The following CDH12 variants were observed in gnomAD, a reference collection of about 807,000 sequenced individuals.
The protein encoded by CDH12 is cadherin-12.
In CDH12, 41 loss-of-function variants were observed where a neutral mutation model predicts 74.1. The ratio of observed to expected loss-of-function variants is 0.55; its 90% CI spans 0.43 to 0.72. The LOEUF is 0.72. Among genes scored for constraint, CDH12 ranks in the 30% least tolerant of loss-of-function variants. CDH12 has a pLI of 0.00. For synonymous variants in CDH12, 399 were observed against 355.0 expected, an observed-to-expected ratio of 1.12 and a Z score of -1.39; for missense variants, 945 against 977.2, an observed-to-expected ratio of 0.97 and a Z score of 0.44.
chr5:21,832,623 T>C (rs1401042451), intron 8 of CDH12, among the ~76,000 whole-genome samples: 1 of 150,650 alleles, frequency 6.6e-6, no homozygotes, highest in Non-Finnish European at 1.5e-5. Flanking sequence ...TTTACCCAAA[T>C]ATACCTGTAG....
In CDH12 at chr5:22,150,093, C is replaced by T. The variant is rs188586520; in HGVS notation, c.-187+62405G>A. On this transcript the variant is annotated intron_variant, in intron 4 of 14. Coordinates refer to ENST00000382254, the MANE Select transcript of CDH12 (RefSeq NM_004061.5). ...CACATTAGTACATGGTTTCAATGAT[C>T]GTTGATTTAAAACCTTGGAAATAGC... Among the ~76,000 whole-genome samples the T allele has an allele frequency of 2.1e-4, 32 of 152,180 alleles. No individual in the cohort carries two copies. The East Asian group carries it at 5.0e-3, about 24-fold the overall frequency.
chr5:22,653,066 C>A (rs564916381), intron 1 of CDH12, among the ~76,000 whole-genome samples: 1 of 152,216 alleles, frequency 6.6e-6, no homozygotes, highest in South Asian at 2.1e-4. Flanking sequence ...ATCAAAGATA[C>A]CAGAAAGAGT....
intron 1 of CDH12, among the ~76,000 whole-genome samples, chr5:22,509,393 A>G (rs1227024632): frequency 1.3e-5 from 2 of 152,306 alleles, no homozygotes; most frequent in East Asian, 3.9e-4. Context: ...TAAAGTCAAA[A>G]GCAAACTACA....
intron 10 of CDH12, among the ~76,000 whole-genome samples, chr5:21,784,371 G>A (rs1441895034): frequency 6.6e-6 from 1 of 151,850 alleles, no homozygotes; most frequent in Non-Finnish European, 1.5e-5. Flanking sequence ...CTTACACATT[G>A]AGAATAAAAA....
Position 21,751,685 on chromosome 5 carries a change from TTC to T in CDH12, c.*50_*51del. On this transcript the variant is annotated 3_prime_UTR_variant, in exon 15 of 15. Coordinates refer to ENST00000382254, the MANE Select transcript of CDH12 (RefSeq NM_004061.5). ...TTTCTATTAATATTTGTGTTTCTTT[TTC>T]TTTTTTAAAAATCTCCCCTCTCGGT... is the stretch of plus-strand genomic sequence containing the variant. The T allele has an allele frequency of 6.8e-7, 1 of 1,475,024 alleles. No homozygotes were observed. The highest frequency in any genetic ancestry group is 2.2e-5 in the Admixed American group (1 of 45,826). The allele number at this position is 1,475,024 out of a possible 1,614,324, so 91.4% of individuals were successfully genotyped here.
At chr5:22,061,513 T>C (rs1490074078) in intron 5 of CDH12, among the ~76,000 whole-genome samples, 2 of 152,126 alleles carry the variant, frequency 1.3e-5, no homozygotes, top group Non-Finnish European at 2.9e-5. Flanking sequence ...ATATTAAATT[T>C]GAAATCCTTA....
At chr5:22,737,506 A>T (rs1744793920) in intron 1 of CDH12, among the ~76,000 whole-genome samples, 1 of 151,958 alleles carries the variant, frequency 6.6e-6, no homozygotes, top group Admixed American at 6.6e-5. Context: ...TTTGCGTAAT[A>T]AAAATTATAA....
chr5:22,483,249 A>T (rs1746451214), intron 2 of CDH12, among the ~76,000 whole-genome samples: 1 of 152,208 alleles, frequency 6.6e-6, no homozygotes, highest in South Asian at 2.1e-4. Flanking sequence ...AAAAAATTTT[A>T]AGACACTTCT....
At chr5:22,532,454 C>A (rs779339554) in intron 1 of CDH12, among the ~76,000 whole-genome samples, 1 of 145,032 alleles carries the variant, frequency 6.9e-6, no homozygotes, top group Non-Finnish European at 1.5e-5. Context: ...TTTGAAAAAT[C>A]TGGATTTGAT....
intron 1 of CDH12, among the ~76,000 whole-genome samples, chr5:22,508,049 G>A (rs941294090): frequency 2.6e-5 from 4 of 151,734 alleles, no homozygotes; most frequent in Non-Finnish European, 5.9e-5. Context: ...TTATAATTTG[G>A]GCCTATTCAG....
At chr5:22,450,265 C>T (rs1744990815) in intron 2 of CDH12, among the ~76,000 whole-genome samples, 1 of 151,830 alleles carries the variant, frequency 6.6e-6, no homozygotes. Context: ...GTAGCATGTT[C>T]TTGCCATACA....
chr5:22,602,910 A>T (rs1736918542), intron 1 of CDH12, among the ~76,000 whole-genome samples: 1 of 152,192 alleles, frequency 6.6e-6, no homozygotes, highest in South Asian at 2.1e-4. Flanking sequence ...TATTGATTGG[A>T]AAATGGATCT....
intron 5 of CDH12, among the ~76,000 whole-genome samples, chr5:22,027,422 C>G (rs1398117629): frequency 3.9e-5 from 6 of 152,214 alleles, no homozygotes; most frequent in African/African-American, 1.4e-4. Context: ...TGGTAGAATT[C>G]GGCTGTAAAT....
rs111570896 is a variant in CDH12, at chr5:22,582,557, C to T, written c.-522-77193G>A. Among the ~76,000 whole-genome samples, 859 of 152,240 alleles carry T rather than the reference C, an allele frequency of 5.6e-3. 9 individuals are homozygous for T. The highest frequency in any genetic ancestry group is 0.02 in the African/African-American group (825 of 41,536). ...TCCTAAATTGTTCCCACAGGAGTAC[C>T]TGAGAGCCTCCACTGCCCAACATCT... On this transcript the variant is annotated intron_variant, in intron 1 of 14. Coordinates refer to ENST00000382254, the MANE Select transcript of CDH12 (RefSeq NM_004061.5).
At chr5:22,338,903 A>G (rs991153261) in intron 3 of CDH12, among the ~76,000 whole-genome samples, 1 of 152,206 alleles carries the variant, frequency 6.6e-6, no homozygotes, top group Admixed American at 6.5e-5. Flanking sequence ...TGGGACCTCC[A>G]GGAGCTAAAG....
chr5:22,008,115 G>C (rs560678069), intron 5 of CDH12, among the ~76,000 whole-genome samples: 1 of 152,224 alleles, frequency 6.6e-6, no homozygotes, highest in South Asian at 2.1e-4. Context: ...GGTGCTTTTG[G>C]CACTCACCAT....
intron 3 of CDH12, among the ~76,000 whole-genome samples, chr5:22,301,623 C>G (rs987017973): frequency 6.6e-6 from 1 of 151,646 alleles, no homozygotes; most frequent in South Asian, 2.1e-4. Flanking sequence ...ATTTTTCATC[C>G]CCTTTTTATT....
At chr5:22,674,101 C>T (rs13181432) in intron 1 of CDH12, among the ~76,000 whole-genome samples, 2 of 152,166 alleles carry the variant, frequency 1.3e-5, no homozygotes, top group South Asian at 4.1e-4. Context: ...AGGCCCTTAT[C>T]TGTAGACTAG....
intron 5 of CDH12, among the ~76,000 whole-genome samples, chr5:22,075,428 T>A (rs1318562001): frequency 6.6e-6 from 1 of 151,824 alleles, no homozygotes; most frequent in Non-Finnish European, 1.5e-5. Context: ...AACCTGCACG[T>A]TGTGCACATG....
Sources: gnomAD v4.1 joint callset for allele counts (sites outside exome capture counted in the v4.1 genomes callset) on GRCh38, gnomAD v4.1.1 for gene constraint, MANE v1.5 for transcripts, NCBI Gene and HGNC (gene_info 2026-07-23, HGNC 2026-07-21) for gene names.